Variants in ARPP21 observed in about 807,000 individuals in gnomAD.
ARPP21 encodes cAMP-regulated phosphoprotein 21.
A neutral mutation model predicts 113.2 loss-of-function variants in ARPP21; 69 were observed. That is an observed-to-expected ratio of 0.61 (90% CI 0.50 to 0.74). The LOEUF (loss-of-function observed/expected upper bound fraction) is 0.74, where lower values mean the gene tolerates loss of function less well. ARPP21 is among the 30% of genes least tolerant of loss of function. ARPP21 has a pLI of 0.00. For synonymous variants in ARPP21, 368 were observed against 375.5 expected, an observed-to-expected ratio of 0.98 and a Z score of 0.23; for missense variants, 1,070 against 1,037.4, an observed-to-expected ratio of 1.03 and a Z score of -0.43.
intron 1 of ARPP21, among the ~76,000 whole-genome samples, chr3:35,651,194 A>G (rs1173961144): frequency 6.6e-6 from 1 of 152,092 alleles, no homozygotes; most frequent in Non-Finnish European, 1.5e-5. Flanking sequence ...TTTTTTAAAG[A>G]AAAAGATGCA....
intron 1 of ARPP21, among the ~76,000 whole-genome samples, chr3:35,652,934 T>C (rs1378324027): frequency 6.6e-6 from 1 of 152,038 alleles, no homozygotes; most frequent in Non-Finnish European, 1.5e-5. Context: ...AAAATTCTTA[T>C]CTGTATAGAA....
At chr3:35,726,690 A>G (rs1383670397) in intron 14 of ARPP21, among the ~76,000 whole-genome samples, 1 of 152,152 alleles carries the variant, frequency 6.6e-6, no homozygotes, top group Non-Finnish European at 1.5e-5. Flanking sequence ...GGATTGTGAC[A>G]CTTCAGTCTG....
intron 9 of ARPP21, among the ~76,000 whole-genome samples, chr3:35,702,909 T>C (rs1324838847): frequency 6.6e-6 from 1 of 151,890 alleles, no homozygotes. Flanking sequence ...GGGAACAGTG[T>C]CATTAGATTT....
intron 8 of ARPP21, 67 bp downstream of exon 8, chr3:35,690,207 C>T (rs900992269): frequency 4.9e-6 from 4 of 808,486 alleles, no homozygotes; most frequent in Non-Finnish European, 8.8e-6. Flanking sequence ...GTTAAATTGT[C>T]CATTCTGGAA....
intron 19 of ARPP21, among the ~76,000 whole-genome samples, chr3:35,776,547 C>T (rs997439797): frequency 6.6e-6 from 1 of 152,146 alleles, no homozygotes; most frequent in African/African-American, 2.4e-5. Flanking sequence ...GTGCACTCAG[C>T]ACCCTTTTGC....
At chr3:35,782,449 C>T (rs1471102929) in intron 19 of ARPP21, among the ~76,000 whole-genome samples, 1 of 152,094 alleles carries the variant, frequency 6.6e-6, no homozygotes, top group Non-Finnish European at 1.5e-5. Context: ...GTTGTCTTCC[C>T]AGAATGATGT....
chr3:35,719,227 G>GA (rs1379249237), intron 13 of ARPP21, among the ~76,000 whole-genome samples: 1 of 152,138 alleles, frequency 6.6e-6, no homozygotes, highest in Non-Finnish European at 1.5e-5. Flanking sequence ...CTGTTAAGAT[G>GA]ATAGTGCAAT....
At chr3:35,713,140 C>T (rs1341757303) in intron 11 of ARPP21, among the ~76,000 whole-genome samples, 1 of 152,022 alleles carries the variant, frequency 6.6e-6, no homozygotes, top group Non-Finnish European at 1.5e-5. Context: ...AAGAAGCAAG[C>T]CTTTTATATC....
At chr3:35,747,797 T>C (rs1034200011) in intron 19 of ARPP21, among the ~76,000 whole-genome samples, 2 of 151,676 alleles carry the variant, frequency 1.3e-5, no homozygotes, top group Non-Finnish European at 2.9e-5. Flanking sequence ...ATTCATTGTG[T>C]AGAGTTTTAA....
chr3:35,728,595 T>C (rs151311819), intron 14 of ARPP21, among the ~76,000 whole-genome samples: 1 of 152,174 alleles, frequency 6.6e-6, no homozygotes, highest in African/African-American at 2.4e-5. Context: ...CATTCAATGG[T>C]TTAAAGTTGC....
At position 35,656,262 on chromosome 3, in the gene ARPP21, A is replaced by G. The variant is rs190563893; in HGVS notation, c.-213+15864A>G. 2.6e-5 allele frequency among the ~76,000 whole-genome samples: 4 copies of G among 152,164 alleles called. No homozygotes were observed. The East Asian group carries it at 7.8e-4, about 30-fold the overall frequency. On this transcript the variant is annotated intron_variant, in intron 1 of 20. Coordinates refer to ENST00000684406, the MANE Select transcript of ARPP21 (RefSeq NM_001385562.1). Reference sequence around the variant, plus strand: ...TTACAAAATCCACTGAGATATAATAATAATCCCCTAATCCACAAGACTGGA... The same window carrying G: ...TTACAAAATCCACTGAGATATAATAGTAATCCCCTAATCCACAAGACTGGA...
intron 1 of ARPP21, among the ~76,000 whole-genome samples, chr3:35,642,678 C>A (rs182968963): frequency 8.0e-4 from 122 of 152,152 alleles, no homozygotes; most frequent in Non-Finnish European, 1.5e-3. Flanking sequence ...ATTTCAAATT[C>A]CTAAAATATT....
intron 19 of ARPP21, among the ~76,000 whole-genome samples, chr3:35,766,082 T>C (rs1271495977): frequency 6.6e-6 from 1 of 152,192 alleles, no homozygotes; most frequent in Non-Finnish European, 1.5e-5. Flanking sequence ...CTATTATTTA[T>C]GTGGAGTATC....
intron 20 of ARPP21, among the ~76,000 whole-genome samples, chr3:35,792,923 T>C (rs2096774702): frequency 6.6e-6 from 1 of 152,222 alleles, no homozygotes. Context: ...CTTTAAGTTA[T>C]AAGAGATTTT....
chr3:35,790,024 CT>C (rs1252724982), intron 19 of ARPP21, among the ~76,000 whole-genome samples: 2 of 152,164 alleles, frequency 1.3e-5, no homozygotes, highest in African/African-American at 4.8e-5. Context: ...ACCCGCTTCT[CT>C]TTCCCCCACT....
upstream of ARPP21, among the ~76,000 whole-genome samples, chr3:35,639,367 G>C (rs1268408719): frequency 3.9e-5 from 6 of 151,904 alleles, no homozygotes; most frequent in South Asian, 1.0e-3. This position sits in a 1 kb window ranked among gnomAD's most constrained non-coding sequence, Gnocchi z 5.0. Context: ...TCTGGGGCCC[G>C]GGGTCTCCGG....
chr3:35,719,973 A>T (rs978041386), intron 13 of ARPP21, among the ~76,000 whole-genome samples: 2 of 152,192 alleles, frequency 1.3e-5, no homozygotes, highest in African/African-American at 4.8e-5. Flanking sequence ...GCCCTTGAAA[A>T]GGCTATTTAT....
chr3:35,765,848 G>A (rs2095953054), intron 19 of ARPP21, among the ~76,000 whole-genome samples: 1 of 152,086 alleles, frequency 6.6e-6, no homozygotes, highest in African/African-American at 2.4e-5. Context: ...ATATCTGTGT[G>A]ACCTTAAACA....
At chr3:35,646,372 A>G (rs184928009) in intron 1 of ARPP21, among the ~76,000 whole-genome samples, 1 of 152,216 alleles carries the variant, frequency 6.6e-6, no homozygotes, top group Non-Finnish European at 1.5e-5. Flanking sequence ...GTTAATATCT[A>G]TGTAACTTTG....
Sources: allele counts gnomAD v4.1 joint callset (sites outside exome capture counted in the v4.1 genomes callset), GRCh38; gene constraint gnomAD v4.1.1; non-coding constraint Gnocchi (gnomAD v3.1); transcripts MANE v1.5; gene names NCBI Gene and HGNC (gene_info 2026-07-23, HGNC 2026-07-21).